Variants in SHANK2 observed in about 807,000 individuals in gnomAD.
The protein encoded by SHANK2 is SH3 and multiple ankyrin repeat domains 2, also known as SH3 and multiple ankyrin repeat domains protein 2.
A neutral mutation model predicts 133.7 loss-of-function variants in SHANK2; 43 were observed. That is an observed-to-expected ratio of 0.32 (90% confidence interval 0.25 to 0.41). The LOEUF is 0.41. Ranked by LOEUF, SHANK2 falls within the 10% of genes least tolerant of loss-of-function variation. SHANK2 has a pLI of 1.00. For synonymous variants in SHANK2, 1,017 were observed against 952.8 expected (o/e 1.07, Z -1.24); for missense variants, 1,994 against 2,235.8 (o/e 0.89, Z 2.18).
intron 2 of SHANK2, among the ~76,000 whole-genome samples, chr11:71,197,842 G>A (rs552922497): frequency 8.0e-4 from 122 of 152,266 alleles, no homozygotes; most frequent in African/African-American, 2.9e-3. Flanking sequence ...GGCCATTTCT[G>A]AGCCACATCG....
intron 21 of SHANK2, among the ~76,000 whole-genome samples, chr11:70,498,209 G>A (rs1418983543): frequency 6.6e-6 from 1 of 152,236 alleles, no homozygotes; most frequent in Admixed American, 6.5e-5. Context: ...ACTACATCCT[G>A]TCTCTGGGTG....
intron 17 of SHANK2, among the ~76,000 whole-genome samples, chr11:70,654,843 C>T (rs888308433): frequency 4.6e-5 from 7 of 151,542 alleles, no homozygotes; most frequent in East Asian, 1.9e-4. Flanking sequence ...TCTCGGCTCA[C>T]GGCAACGTCC....
chr11:71,248,304 A>C (rs1555125304), intron 1 of SHANK2, among the ~76,000 whole-genome samples: 1 of 152,242 alleles, frequency 6.6e-6, no homozygotes, highest in African/African-American at 2.4e-5. Flanking sequence ...GCACATCAAG[A>C]AGTATGATGA....
chr11:71,109,581 GA>G (rs1951859192), intron 6 of SHANK2, among the ~76,000 whole-genome samples: 1 of 152,226 alleles, frequency 6.6e-6, no homozygotes, highest in African/African-American at 2.4e-5. Context: ...GCGGGAGGCA[GA>G]AACACACATC....
At chr11:70,660,299 C>T (rs2061464892) in intron 16 of SHANK2, among the ~76,000 whole-genome samples, 1 of 152,228 alleles carries the variant, frequency 6.6e-6, no homozygotes, top group African/African-American at 2.4e-5. Context: ...AAAAGTTCCT[C>T]CCCTGCCACA....
intron 3 of SHANK2, among the ~76,000 whole-genome samples, chr11:71,138,020 G>A (rs1207929561): frequency 4.1e-5 from 6 of 145,374 alleles, no homozygotes; most frequent in African/African-American, 1.3e-4. Context: ...TAATGGTAAC[G>A]AACCACACTC....
intron 17 of SHANK2, among the ~76,000 whole-genome samples, chr11:70,544,021 A>G (rs1462327033): frequency 6.6e-6 from 1 of 152,190 alleles, no homozygotes; most frequent in Non-Finnish European, 1.5e-5. Flanking sequence ...GCTTTTTCCT[A>G]TAGCCTCACA....
At chr11:70,846,477 C>T (rs1273455051) in intron 11 of SHANK2, among the ~76,000 whole-genome samples, 2 of 151,932 alleles carry the variant, frequency 1.3e-5, no homozygotes, top group Non-Finnish European at 2.9e-5. Context: ...GCTATGTTGC[C>T]CAGGCTGGCC....
chr11:70,788,617 G>A (rs1158784025), intron 14 of SHANK2, among the ~76,000 whole-genome samples: 1 of 152,122 alleles, frequency 6.6e-6, no homozygotes, highest in Non-Finnish European at 1.5e-5. Flanking sequence ...GGCACCCAAT[G>A]GGGGTCTTGG....
chr11:71,165,197 C>A (rs1429166831), intron 2 of SHANK2, among the ~76,000 whole-genome samples: 1 of 152,038 alleles, frequency 6.6e-6, no homozygotes, highest in Non-Finnish European at 1.5e-5. Context: ...CCACACCCAG[C>A]TAATTTTGTA....
rs144767261 is a variant in SHANK2, at chr11:71,162,844, G to A, written c.-12-15506C>T. ...TCCCAGCACTTTGGGAGGTCAAGACGGGCAGATCACGAGGTCAGGAGATCA... is the reference window on the plus strand; with the variant it reads ...TCCCAGCACTTTGGGAGGTCAAGACAGGCAGATCACGAGGTCAGGAGATCA... On this transcript the variant is annotated intron_variant, in intron 2 of 25. Transcript: ENST00000601538. Among the ~76,000 whole-genome samples the A allele has an allele frequency of 4.2e-3, 641 of 151,848 alleles. 3 individuals are homozygous for A. The highest frequency in any genetic ancestry group is 8.4e-3 in the Admixed American group (129 of 15,272).
At chr11:71,222,684 G>T (rs1456390485) in intron 2 of SHANK2, among the ~76,000 whole-genome samples, 1 of 152,256 alleles carries the variant, frequency 6.6e-6, no homozygotes, top group Non-Finnish European at 1.5e-5. Flanking sequence ...AACATCTTAT[G>T]GCTCAACCCC....
intron 10 of SHANK2, among the ~76,000 whole-genome samples, chr11:70,946,662 A>G (rs868966594): frequency 1.4e-5 from 2 of 141,006 alleles, no homozygotes; most frequent in South Asian, 4.7e-4. Context: ...ACTCTTCCCC[A>G]GGGTCAACCT....
chr11:70,574,442 C>T lies in SHANK2; in HGVS notation c.2062-71511G>A, dbSNP rs1306555232. Among the ~76,000 whole-genome samples, 5 of 152,248 alleles carry T rather than the reference C, an allele frequency of 3.3e-5. No individual in the cohort carries two copies. The South Asian group carries it at 6.2e-4, about 19-fold the overall frequency. On this transcript the variant is annotated intron_variant, in intron 17 of 25. Transcript: ENST00000601538. Reference sequence around the variant, plus strand: ...CTGCTTCTGCTCCATCCCAGCACTGCAACTGTGACTGATCACCTAATGTCT... The same window carrying T: ...CTGCTTCTGCTCCATCCCAGCACTGTAACTGTGACTGATCACCTAATGTCT...
At chr11:70,474,921 G>A (rs1481008849) in intron 25 of SHANK2, 1 of 152,288 alleles carries the variant, frequency 6.6e-6, no homozygotes, top group African/African-American at 2.4e-5. Context: ...TGGGTGGAGG[G>A]GCTCTGGAGA....
chr11:71,092,328 C>T, intron 8 of SHANK2, 94 bp downstream of exon 8: 1 of 1,385,494 alleles, frequency 7.2e-7, no homozygotes, highest in Non-Finnish European at 1.0e-6. Context: ...AAGGCAGGAT[C>T]TAACCTTTGG....
intron 17 of SHANK2, among the ~76,000 whole-genome samples, chr11:70,533,278 T>C (rs1420673710): frequency 1.3e-5 from 2 of 152,194 alleles, no homozygotes; most frequent in African/African-American, 4.8e-5. Flanking sequence ...TTTGTAGAGA[T>C]GGGGTCTTGC....
At chr11:70,761,660 G>C (rs1367472267) in intron 14 of SHANK2, among the ~76,000 whole-genome samples, 3 of 152,246 alleles carry the variant, frequency 2.0e-5, no homozygotes, top group African/African-American at 7.2e-5. Context: ...GTCCCTGGGG[G>C]TCTTGCCAGC....
chr11:70,841,011 C>T (rs1555061521), intron 11 of SHANK2, among the ~76,000 whole-genome samples: 1 of 152,098 alleles, frequency 6.6e-6, no homozygotes, highest in East Asian at 1.9e-4. Flanking sequence ...GTCTGTAATC[C>T]CAGCATTTTG....
Sources: allele counts gnomAD v4.1 joint callset (sites outside exome capture counted in the v4.1 genomes callset), GRCh38; gene constraint gnomAD v4.1.1; transcripts MANE v1.5; gene names NCBI Gene and HGNC (gene_info 2026-07-23, HGNC 2026-07-21).